The following SND1 variants were observed in gnomAD, a reference collection of about 807,000 sequenced individuals.
The protein encoded by SND1 is staphylococcal nuclease and tudor domain containing 1.
Under a neutral mutation model 121.7 loss-of-function variants are expected in SND1, and 38 were observed. That is an observed-to-expected ratio of 0.31 (90% CI 0.24 to 0.41). SND1 has a LOEUF of 0.41. Ranked by LOEUF, SND1 falls within the 10% of genes least tolerant of loss-of-function variation. The pLI is 1.00. For missense variants in SND1, 868 were observed against 1,184.6 expected, an observed-to-expected ratio of 0.73 and a Z score of 3.92; for synonymous variants, 401 against 447.4, an observed-to-expected ratio of 0.90 and a Z score of 1.31.
chr7:127,917,815 AC>A (rs1563057678), intron 14 of SND1, among the ~76,000 whole-genome samples: 1 of 152,232 alleles, frequency 6.6e-6, no homozygotes, highest in South Asian at 2.1e-4. Context: ...TGATGGAATC[AC>A]AGAGCAAATT....
chr7:127,978,967 G>A (rs529850303), intron 15 of SND1, among the ~76,000 whole-genome samples: 155 of 152,126 alleles, frequency 1.0e-3, no homozygotes, highest in African/African-American at 3.5e-3. Context: ...GATTACAGAC[G>A]TGAGCCACCA....
chr7:127,914,032 G>A (rs538691810), intron 14 of SND1, among the ~76,000 whole-genome samples: 10 of 152,120 alleles, frequency 6.6e-5, no homozygotes, highest in African/African-American at 9.7e-5. Context: ...TGCCCTGGTC[G>A]TTTTCTGCCT....
At chr7:128,086,807 G>A in intron 20 of SND1, 131 bp from the exon 21 acceptor site, 1 of 764,088 alleles carries the variant, frequency 1.3e-6, no homozygotes, top group Non-Finnish European at 2.3e-6. Context: ...TTGCAAAGTG[G>A]AACCAAGTCA....
At chr7:127,845,289 A>G (rs1445447634) in intron 12 of SND1, among the ~76,000 whole-genome samples, 3 of 152,242 alleles carry the variant, frequency 2.0e-5, no homozygotes, top group African/African-American at 7.2e-5. Context: ...AAAGTCTCCT[A>G]ACAGGAGCCT....
At chr7:128,091,549 A>C (rs769973249) in intron 22 of SND1, among the ~76,000 whole-genome samples, 2 of 152,154 alleles carry the variant, frequency 1.3e-5, no homozygotes, top group East Asian at 3.8e-4. Context: ...AGACCTCATT[A>C]AGAGGGAGAT....
intron 11 of SND1, among the ~76,000 whole-genome samples, chr7:127,824,979 C>T (rs1031804299): frequency 3.3e-5 from 5 of 151,920 alleles, no homozygotes; most frequent in African/African-American, 7.3e-5. Context: ...ATGTGGACAC[C>T]GAATAAAAAT....
At position 127,857,183 on chromosome 7, in the gene SND1, C is replaced by CTTTTTTTTTT. The variant is rs71522259; in HGVS notation, c.1343+12777_1343+12786dup. Among the ~76,000 whole-genome samples, 7 of 67,990 alleles carry CTTTTTTTTTT rather than the reference C, an allele frequency of 1.0e-4. 2 individuals carry two copies. Among genetic ancestry groups the CTTTTTTTTTT allele is most frequent in the African/African-American group, 3.8e-4 (7 of 18,246 alleles). The allele number at this position is 67,990 out of a possible 152,430, so 44.6% of individuals were successfully genotyped here. A position where few individuals can be genotyped will look rare whatever the true frequency, so the allele number is the denominator to read the frequency against. ...CCAATTCTTAGGAAAAATGTCAACA[C>CTTTTTTTTTT]TTTTTTTTTTTTTTTTTTTTTTTTT... On this transcript the variant is annotated intron_variant, in intron 12 of 23. Coordinates refer to ENST00000354725, the MANE Select transcript of SND1 (RefSeq NM_014390.4).
At chr7:127,807,897 A>G (rs1016053693) in intron 11 of SND1, among the ~76,000 whole-genome samples, 10 of 152,142 alleles carry the variant, frequency 6.6e-5, no homozygotes, top group Non-Finnish European at 2.9e-5. Context: ...CCTTCATTAA[A>G]TGTCCAGGGC....
intron 11 of SND1, among the ~76,000 whole-genome samples, chr7:127,809,428 C>T (rs1362428088): frequency 1.3e-5 from 2 of 152,226 alleles, no homozygotes; most frequent in Non-Finnish European, 2.9e-5. Flanking sequence ...CCACCTGAAA[C>T]CACTTGCCTG....
At chr7:128,056,694 C>A (rs941893900) in intron 16 of SND1, among the ~76,000 whole-genome samples, 1 of 152,134 alleles carries the variant, frequency 6.6e-6, no homozygotes, top group African/African-American at 2.4e-5. Context: ...GTACAGTAGT[C>A]CCCCCTTATC....
At chr7:127,738,307 G>A (rs898069307) in intron 10 of SND1, among the ~76,000 whole-genome samples, 12 of 118,444 alleles carry the variant, frequency 1.0e-4, no homozygotes, top group African/African-American at 3.4e-4. Flanking sequence ...TTTTTGAGAT[G>A]GAGTTTTGCT....
chr7:128,064,211 T>TA (rs994757080), intron 16 of SND1, among the ~76,000 whole-genome samples: 8 of 151,546 alleles, frequency 5.3e-5, no homozygotes, highest in Non-Finnish European at 1.0e-4. Context: ...CCAGAGAGGT[T>TA]AAAAAAAAAC....
chr7:127,689,391 A>C (rs1422371537), intron 2 of SND1, among the ~76,000 whole-genome samples: 1 of 152,140 alleles, frequency 6.6e-6, no homozygotes, highest in Non-Finnish European at 1.5e-5. Flanking sequence ...AAGAGTGTTG[A>C]CCCTTCTTGG....
intron 10 of SND1, among the ~76,000 whole-genome samples, chr7:127,798,889 T>A (rs1798075839): frequency 2.0e-5 from 3 of 152,044 alleles, no homozygotes; most frequent in Admixed American, 1.3e-4. Flanking sequence ...TACAGAAAAT[T>A]AAAATAATTA....
chr7:127,876,800 TG>T (rs1240869550), intron 12 of SND1, among the ~76,000 whole-genome samples: 1 of 152,120 alleles, frequency 6.6e-6, no homozygotes, highest in Non-Finnish European at 1.5e-5. Flanking sequence ...GAAGCATGTT[TG>T]TTGTATAGCA....
intron 16 of SND1, among the ~76,000 whole-genome samples, chr7:127,994,867 A>G (rs1802609457): frequency 6.6e-6 from 1 of 150,914 alleles, no homozygotes; most frequent in Admixed American, 6.6e-5. Flanking sequence ...CTGCACCACC[A>G]TGCTCGGCTA....
intron 21 of SND1, among the ~76,000 whole-genome samples, chr7:128,087,389 A>G (rs1793704523): frequency 6.6e-6 from 1 of 152,112 alleles, no homozygotes; most frequent in Non-Finnish European, 1.5e-5. Context: ...TACCCTGGCA[A>G]GGAGTTTATT....
chr7:128,067,034 C>T (rs1387251061), intron 16 of SND1, among the ~76,000 whole-genome samples: 1 of 152,150 alleles, frequency 6.6e-6, no homozygotes, highest in Admixed American at 6.5e-5. Context: ...AATGGGGCTT[C>T]CCTGCTTGCC....
chr7:127,815,757 A>C (rs776243575), intron 11 of SND1, among the ~76,000 whole-genome samples: 3 of 152,012 alleles, frequency 2.0e-5, no homozygotes, highest in Non-Finnish European at 4.4e-5. Context: ...TTGAGGGGGT[A>C]ATTTGCGGTA....
Sources: allele counts gnomAD v4.1 joint callset (sites outside exome capture counted in the v4.1 genomes callset), GRCh38; gene constraint gnomAD v4.1.1; transcripts MANE v1.5; gene names NCBI Gene and HGNC (gene_info 2026-07-23, HGNC 2026-07-21).